The following DRGX variants were observed in gnomAD, a reference collection of about 807,000 sequenced individuals.
DRGX encodes dorsal root ganglia homeobox.
In DRGX, 21 loss-of-function variants were observed where a neutral mutation model predicts 28.6. The ratio of observed to expected loss-of-function variants is 0.73; its 90% confidence interval spans 0.52 to 1.06. The LOEUF (loss-of-function observed/expected upper bound fraction) is 1.06. DRGX is among the 50% of genes least tolerant of loss of function. The pLI is 0.00. For missense variants in DRGX, 354 were observed against 343.9 expected (o/e 1.03, Z -0.23); for synonymous variants, 136 against 139.1 (o/e 0.98, Z 0.16).
At chr10:49,380,976 T>C (rs1308434097) in intron 6 of DRGX, among the ~76,000 whole-genome samples, 1 of 152,188 alleles carries the variant, frequency 6.6e-6, no homozygotes, top group Non-Finnish European at 1.5e-5. Context: ...ATGAATTCAG[T>C]GCTATTATGA....
At chr10:49,384,959 C>T (rs574611578) in intron 6 of DRGX, among the ~76,000 whole-genome samples, 2 of 152,326 alleles carry the variant, frequency 1.3e-5, no homozygotes, top group East Asian at 3.9e-4. Flanking sequence ...CTGACCTGGC[C>T]CTTGTCGAAG....
At chr10:49,385,440 C>T (rs1438267849) in intron 6 of DRGX, among the ~76,000 whole-genome samples, 6 of 152,284 alleles carry the variant, frequency 3.9e-5, no homozygotes, top group African/African-American at 1.2e-4. Flanking sequence ...CTCCTCGCCC[C>T]TGGAACTCTT....
chr10:49,367,957 G>A (rs542076382), intron 6 of DRGX, among the ~76,000 whole-genome samples: 79 of 152,198 alleles, frequency 5.2e-4, no homozygotes, highest in African/African-American at 1.7e-3. Context: ...AGGGGCAGCC[G>A]GAGCTACACC....
At chr10:49,372,448 G>A (rs979140100) in intron 6 of DRGX, among the ~76,000 whole-genome samples, 20 of 152,246 alleles carry the variant, frequency 1.3e-4, no homozygotes, top group African/African-American at 3.9e-4. Flanking sequence ...CACGGGACCC[G>A]CCTTCATCCA....
intron 6 of DRGX, 111 bp from the exon 7 acceptor site, chr10:49,366,492 G>C: frequency 7.0e-7 from 1 of 1,438,804 alleles, no homozygotes; most frequent in South Asian, 1.4e-5. Flanking sequence ...ATTCCCTCTG[G>C]TGCCAGATAC....
intron 2 of DRGX, among the ~76,000 whole-genome samples, chr10:49,394,656 C>T (rs1275000397): frequency 6.6e-6 from 1 of 152,230 alleles, no homozygotes; most frequent in African/African-American, 2.4e-5. Context: ...CCCAACTGTC[C>T]CCTTCTCACC....
chr10:49,370,442 G>A (rs114314147), intron 6 of DRGX, among the ~76,000 whole-genome samples: 1 of 152,148 alleles, frequency 6.6e-6, no homozygotes, highest in Non-Finnish European at 1.5e-5. Flanking sequence ...CAGCCCAACA[G>A]GTGCCGTCGC....
At chr10:49,376,075 G>T (rs1212591103) in intron 6 of DRGX, among the ~76,000 whole-genome samples, 1 of 152,204 alleles carries the variant, frequency 6.6e-6, no homozygotes, top group Non-Finnish European at 1.5e-5. Context: ...AATACAGGGT[G>T]TAGGGGGCTG....
intron 1 of DRGX, 120 bp from the exon 2 acceptor site, chr10:49,395,641 G>A: frequency 4.6e-6 from 3 of 650,236 alleles, no homozygotes; most frequent in African/African-American, 1.8e-5. Flanking sequence ...ATCTCACTGC[G>A]GGGGACAGGA....
chr10:49,367,997 C>G (rs1461022567), intron 6 of DRGX, among the ~76,000 whole-genome samples: 1 of 152,214 alleles, frequency 6.6e-6, no homozygotes, highest in Admixed American at 6.5e-5. Context: ...ACTTCCCCAC[C>G]TCCCTTCCCA....
At chr10:49,389,235 A>C (rs113807309) in intron 4 of DRGX, among the ~76,000 whole-genome samples, 2 of 152,150 alleles carry the variant, frequency 1.3e-5, no homozygotes, top group Admixed American at 6.6e-5. Context: ...ACAACCCCCA[A>C]TTTACTGCTC....
At position 49,366,362 on chromosome 10, in the gene DRGX, G is replaced by A. The variant is rs1279901635; in HGVS notation, c.546C>T (p.Cys182=). ...ASLKGGPLCS[C]CVPDPMGLSF... is the part of the protein sequence containing the mutation. Reference sequence around the variant, plus strand: ...AGAGTCCCATGGGGTCTGGGACGCAGCAAGAGCACAGTGGGCCCCCTGGAA... The same window carrying A: ...AGAGTCCCATGGGGTCTGGGACGCAACAAGAGCACAGTGGGCCCCCTGGAA... The change falls in exon 7 of 7, where the codon TGC becomes TGT. Residue 182 remains cysteine, a synonymous_variant. Coordinates refer to ENST00000374139, the MANE Select transcript of DRGX (RefSeq NM_001276451.2). 3 of 1,608,906 alleles carry A rather than the reference G, an allele frequency of 1.9e-6. No homozygotes were observed. The highest frequency in any genetic ancestry group is 1.7e-4 in the Middle Eastern group (1 of 6,040).
Position 49,364,428 on chromosome 10 carries a change from T to C in DRGX, c.*1688A>G, listed in dbSNP as rs558162250. On this transcript the variant is annotated 3_prime_UTR_variant, in exon 7 of 7. Transcript: ENST00000374139. Reference sequence around the variant, plus strand: ...TTAATCAGCATAACTACTTTTCAGATGCAATGCTGTTAAGTATTCTTAATT... The same window carrying C: ...TTAATCAGCATAACTACTTTTCAGACGCAATGCTGTTAAGTATTCTTAATT... 6.6e-6 allele frequency: 1 copy of C among 152,382 alleles called. No homozygotes were observed. The highest frequency in any genetic ancestry group is 2.1e-4 in the South Asian group (1 of 4,834). 9.4% of individuals were successfully genotyped at this position (152,382 alleles called of 1,614,324 possible). A position where few individuals can be genotyped will look rare whatever the true frequency, so the allele number is the denominator to read the frequency against.
Position 49,386,530 on chromosome 10 carries a change from G to A in DRGX, c.474C>T (p.Leu158=), listed in dbSNP as rs752388293. The A allele has an allele frequency of 7.2e-5, 115 of 1,589,724 alleles. No homozygotes were observed. Among genetic ancestry groups the A allele is most frequent in the Non-Finnish European group, 9.8e-5 (115 of 1,168,200 alleles). ...CCTGGGCGTAGGTGGCCGTGTTCAG[G>A]AGAGTCCCCGGCAAGCAGGAGGGGA... is the stretch of plus-strand genomic sequence containing the variant. ...PFFPSCLPGT[L]LNTATYAQAL... is the part of the protein sequence containing the mutation. Residue 158 remains leucine (L), a synonymous_variant, in exon 6 of 7, where the codon CTC becomes CTT. Transcript: ENST00000374139.
chr10:49,373,697 C>T (rs1193149268), intron 6 of DRGX, among the ~76,000 whole-genome samples: 1 of 152,184 alleles, frequency 6.6e-6, no homozygotes, highest in Admixed American at 6.5e-5. Flanking sequence ...CTTAGACTTC[C>T]CAGCCTCCAG....
intron 6 of DRGX, among the ~76,000 whole-genome samples, chr10:49,372,825 CT>C (rs1564705076): frequency 6.6e-6 from 1 of 152,226 alleles, no homozygotes; most frequent in Non-Finnish European, 1.5e-5. Context: ...GTATTTTTTC[CT>C]CAGTGAAATC....
At chr10:49,392,795 T>G (rs955861731) in intron 2 of DRGX, among the ~76,000 whole-genome samples, 9 of 152,164 alleles carry the variant, frequency 5.9e-5, no homozygotes, top group Non-Finnish European at 1.3e-4. Flanking sequence ...CTCTTTTACT[T>G]AAAAATAAGT....
intron 6 of DRGX, among the ~76,000 whole-genome samples, chr10:49,382,539 A>G (rs913284246): frequency 3.9e-5 from 6 of 152,214 alleles, no homozygotes; most frequent in African/African-American, 1.2e-4. Flanking sequence ...GACCTAAAAA[A>G]TTGAGGTCAT....
At chr10:49,390,371 C>G in intron 3 of DRGX, 137 bp from the exon 4 acceptor site, 1 of 751,490 alleles carries the variant, frequency 1.3e-6, no homozygotes, top group South Asian at 2.2e-5. Context: ...GAGAAGAGAG[C>G]TCTTTGGAAA....
Sources: allele counts gnomAD v4.1 joint callset (sites outside exome capture counted in the v4.1 genomes callset), GRCh38; gene constraint gnomAD v4.1.1; transcripts MANE v1.5; gene names NCBI Gene and HGNC (gene_info 2026-07-23, HGNC 2026-07-21).